Variants in PDZD2 observed in about 807,000 individuals in gnomAD.
The protein encoded by PDZD2 is PDZ domain-containing protein 2.
A neutral mutation model predicts 220.7 loss-of-function variants in PDZD2; 90 were observed. The ratio of observed to expected loss-of-function variants is 0.41; its 90% CI spans 0.34 to 0.49. PDZD2 has a LOEUF of 0.49. Ranked by LOEUF, PDZD2 falls within the 20% of genes least tolerant of loss-of-function variation. PDZD2 has a pLI of 0.28. For missense variants in PDZD2, 3,174 were observed against 3,608.5 expected, an observed-to-expected ratio of 0.88 and a Z score of 3.08; for synonymous variants, 1,375 against 1,450.5, an observed-to-expected ratio of 0.95 and a Z score of 1.18.
intron 2 of PDZD2, among the ~76,000 whole-genome samples, chr5:31,810,624 T>A (rs1267445402): frequency 6.6e-6 from 1 of 152,182 alleles, no homozygotes; most frequent in Non-Finnish European, 1.5e-5. Flanking sequence ...GGCCCTTTCT[T>A]AGTTACTGTG....
intron 2 of PDZD2, among the ~76,000 whole-genome samples, chr5:31,829,531 G>A (rs1329555490): frequency 6.6e-6 from 1 of 151,716 alleles, no homozygotes; most frequent in East Asian, 2.0e-4. Context: ...TGGCATGGCT[G>A]GTCTCAAACT....
intron 6 of PDZD2, among the ~76,000 whole-genome samples, chr5:32,016,509 AG>A (rs1753798387): frequency 1.3e-5 from 2 of 152,190 alleles, no homozygotes; most frequent in Non-Finnish European, 2.9e-5. Context: ...AGATCTTCGG[AG>A]TAGTACTGTT....
chr5:32,091,918 G>A (rs1179992882), intron 20 of PDZD2, among the ~76,000 whole-genome samples: 2 of 152,124 alleles, frequency 1.3e-5, no homozygotes, highest in Non-Finnish European at 2.9e-5. Context: ...AGCACAGCAC[G>A]GGGGAATTTG....
intron 1 of PDZD2, among the ~76,000 whole-genome samples, chr5:31,779,393 T>TTG (rs1752924569): frequency 6.8e-6 from 1 of 147,478 alleles, no homozygotes; most frequent in Non-Finnish European, 1.5e-5. Flanking sequence ...TTTTTTTTTT[T>TTG]GAGATGGAGT....
chr5:32,075,912 T>C (rs1741241424), intron 18 of PDZD2, among the ~76,000 whole-genome samples: 1 of 152,252 alleles, frequency 6.6e-6, no homozygotes, highest in Admixed American at 6.5e-5. Flanking sequence ...TTTTTCCTTC[T>C]CCTCAAATAT....
chr5:32,057,530 T>TA (rs1414978702), intron 10 of PDZD2, 125 bp from the exon 11 acceptor site: 22 of 656,770 alleles, frequency 3.3e-5, no homozygotes, highest in Middle Eastern at 3.9e-4. Flanking sequence ...AGCTAAACAA[T>TA]AAAAGTTATT....
chr5:31,824,622 C>T (rs983328812), intron 2 of PDZD2, among the ~76,000 whole-genome samples: 1 of 151,306 alleles, frequency 6.6e-6, no homozygotes, highest in Non-Finnish European at 1.5e-5. Flanking sequence ...TGTTCACGGC[C>T]GTGTGTGAGA....
intron 7 of PDZD2, among the ~76,000 whole-genome samples, chr5:32,041,432 G>A (rs1756138651): frequency 1.3e-5 from 2 of 151,604 alleles, no homozygotes; most frequent in South Asian, 4.2e-4. Context: ...AGAGAGATCA[G>A]ATTTTTACTG....
chr5:31,696,502 C>T (rs372952), intron 1 of PDZD2, among the ~76,000 whole-genome samples: 67,721 of 151,796 alleles, frequency 0.45, 15,693 homozygotes, highest in East Asian at 0.62. Context: ...AGAGGTCTCA[C>T]GCTATTGCCA....
chr5:31,688,841 C>A (rs1405605117), intron 1 of PDZD2, among the ~76,000 whole-genome samples: 1 of 152,098 alleles, frequency 6.6e-6, no homozygotes, highest in African/African-American at 2.4e-5. Context: ...TCAGCCAGGT[C>A]ACAACAGGCC....
At chr5:32,071,298 C>A in intron 15 of PDZD2, 86 bp from the exon 16 acceptor site, 1 of 961,222 alleles carries the variant, frequency 1.0e-6, no homozygotes, top group Non-Finnish European at 1.7e-6. Context: ...CTGTGTTTGC[C>A]GCCTCCTTTT....
intron 10 of PDZD2, among the ~76,000 whole-genome samples, chr5:32,054,203 C>T (rs1738864666): frequency 6.6e-6 from 1 of 151,252 alleles, no homozygotes; most frequent in South Asian, 2.1e-4. Context: ...GTTTGGGGTC[C>T]ATTCTTACCT....
chr5:31,694,017 A>C (rs1410685127), intron 1 of PDZD2, among the ~76,000 whole-genome samples: 1 of 152,214 alleles, frequency 6.6e-6, no homozygotes, highest in African/African-American at 2.4e-5. Context: ...CCAGGATTGA[A>C]TATTGTTTTT....
chr5:32,101,199 G>T lies in PDZD2; in HGVS notation c.8313G>T (p.Val2771=), dbSNP rs769358933. 3 of 1,613,996 alleles carry T rather than the reference G, an allele frequency of 1.9e-6. No homozygotes were observed. The highest frequency in any genetic ancestry group is 2.2e-5 in the South Asian group (2 of 91,084). Reference sequence around the variant, plus strand: ...GTCTGGATGGGGGAAAATCATCGGTGACGGGAGATGGGCCCTTGGTCATTA... The same window carrying T: ...GTCTGGATGGGGGAAAATCATCGGTTACGGGAGATGGGCCCTTGGTCATTA... ...GLSLDGGKSS[V]TGDGPLVIKR... is the part of the protein sequence containing the mutation. Residue 2771 remains valine, a synonymous_variant, in exon 24 of 25, where the codon GTG becomes GTT. Coordinates refer to ENST00000438447, the MANE Select transcript of PDZD2 (RefSeq NM_178140.4).
Position 31,903,660 on chromosome 5 carries a change from A to AG in PDZD2, c.477-79495_477-79494insG, listed in dbSNP as rs1242682493. On this transcript the variant is annotated intron_variant, in intron 2 of 24. Transcript: ENST00000438447. ...ACCCTGTCTCAAAAAAAAAAAAAAA[A>AG]AAAGAAAGAAAAAAGAAAAAGAAAG... Among the ~76,000 whole-genome samples the AG allele has an allele frequency of 2.6e-5, 3 of 114,480 alleles. No individual in the cohort carries two copies. In the East Asian group the frequency reaches 7.7e-4, roughly 29 times the overall value. The allele number at this position is 114,480 out of a possible 152,430, so 75.1% of individuals were successfully genotyped here.
chr5:31,694,029 A>G (rs1263368952), intron 1 of PDZD2, among the ~76,000 whole-genome samples: 2 of 152,160 alleles, frequency 1.3e-5, no homozygotes, highest in African/African-American at 4.8e-5. Flanking sequence ...ATTGTTTTTA[A>G]AGACAATGGT....
intron 1 of PDZD2, among the ~76,000 whole-genome samples, chr5:31,647,642 A>T (rs937482019): frequency 2.0e-5 from 3 of 152,196 alleles, no homozygotes; most frequent in Non-Finnish European, 4.4e-5. Context: ...TGTCTCATTT[A>T]TAAGGACATT....
chr5:31,877,698 A>T (rs1430683261), intron 2 of PDZD2, among the ~76,000 whole-genome samples: 2 of 151,754 alleles, frequency 1.3e-5, no homozygotes, highest in East Asian at 3.9e-4. Context: ...TTATTTATTT[A>T]TTTATTTTGA....
At chr5:31,771,662 G>C (rs766769328) in intron 1 of PDZD2, among the ~76,000 whole-genome samples, 1 of 152,214 alleles carries the variant, frequency 6.6e-6, no homozygotes, top group Admixed American at 6.6e-5. Flanking sequence ...GCAAGAACAA[G>C]AACAGTGTGA....
Sources: gnomAD v4.1 joint callset for allele counts (sites outside exome capture counted in the v4.1 genomes callset) on GRCh38, gnomAD v4.1.1 for gene constraint, MANE v1.5 for transcripts, NCBI Gene and HGNC (gene_info 2026-07-23, HGNC 2026-07-21) for gene names.